Variants in DENND1A observed in about 807,000 individuals in gnomAD.
DENND1A encodes the protein DENN domain-containing protein 1A.
DENND1A carries 51 observed loss-of-function variants against 113.7 expected under a neutral mutation model. The ratio of observed to expected loss-of-function variants is 0.45; its 90% CI spans 0.36 to 0.57. The LOEUF (loss-of-function observed/expected upper bound fraction) is 0.57, where lower values mean the gene tolerates loss of function less well. DENND1A is among the 20% of genes least tolerant of loss of function. DENND1A has a pLI of 0.00. For missense variants in DENND1A, 1,258 were observed against 1,395.9 expected, an observed-to-expected ratio of 0.90 and a Z score of 1.57; for synonymous variants, 565 against 570.8, an observed-to-expected ratio of 0.99 and a Z score of 0.14.
intron 1 of DENND1A, among the ~76,000 whole-genome samples, chr9:123,915,040 G>A (rs1448841870): frequency 6.6e-6 from 1 of 152,120 alleles, no homozygotes; most frequent in East Asian, 1.9e-4. Context: ...CACAAAGGCT[G>A]CAAAGTAGAG....
chr9:123,548,175 G>GTCC (rs1434305118), intron 13 of DENND1A, among the ~76,000 whole-genome samples: 4 of 152,166 alleles, frequency 2.6e-5, no homozygotes, highest in African/African-American at 7.2e-5. Context: ...GGTCCCTGAA[G>GTCC]TCCTGGGGCA....
rs191962594 is a variant in DENND1A, at chr9:123,911,993, C to T, written c.17+17896G>A. Among the ~76,000 whole-genome samples, 6 of 152,088 alleles carry T rather than the reference C, an allele frequency of 3.9e-5. No individual in the cohort carries two copies. In the East Asian group the frequency reaches 9.6e-4, roughly 24 times the overall value. On this transcript the variant is annotated intron_variant, in intron 1 of 23. Coordinates refer to ENST00000394215, the MANE Select transcript of DENND1A (RefSeq NM_001352964.2). ...ACAGGCTTGAGCCACCGTGCCCTGC[C>T]GTGATTATTTTTAAATAGGTATTGA...
intron 2 of DENND1A, among the ~76,000 whole-genome samples, chr9:123,808,879 T>G (rs974821328): frequency 2.6e-5 from 4 of 152,148 alleles, no homozygotes; most frequent in African/African-American, 9.7e-5. Flanking sequence ...CCGTCCTATG[T>G]GTTAACCCTA....
intron 12 of DENND1A, among the ~76,000 whole-genome samples, chr9:123,564,429 G>C (rs778216523): frequency 3.9e-5 from 6 of 152,332 alleles, no homozygotes; most frequent in Admixed American, 3.3e-4. Context: ...GGAAGGCCCC[G>C]TTTGATTTGG....
intron 10 of DENND1A, among the ~76,000 whole-genome samples, chr9:123,621,010 A>G (rs2060933150): frequency 6.6e-6 from 1 of 152,140 alleles, no homozygotes; most frequent in African/African-American, 2.4e-5. Flanking sequence ...CAAAATGGCA[A>G]TGACATACAA....
At chr9:123,668,201 G>T (rs1424995128) in intron 7 of DENND1A, among the ~76,000 whole-genome samples, 1 of 152,120 alleles carries the variant, frequency 6.6e-6, no homozygotes, top group Admixed American at 6.5e-5. Context: ...CGTAGCCATG[G>T]CCTAAGTTCA....
At chr9:123,750,580 C>T (rs551599665) in intron 5 of DENND1A, among the ~76,000 whole-genome samples, 2 of 152,312 alleles carry the variant, frequency 1.3e-5, no homozygotes, top group South Asian at 4.1e-4. Flanking sequence ...AGCAGTGGGG[C>T]CTTCTGCCAA....
chr9:123,485,656 G>GCACACACACACACACACACA (rs77062893), intron 13 of DENND1A: 2 of 141,156 alleles, frequency 1.4e-5, no homozygotes, highest in African/African-American at 5.8e-5. Flanking sequence ...GCGCGCGCGC[G>GCACACACACACACACACACA]CACACACACA....
chr9:123,560,773 C>A (rs190028020), intron 12 of DENND1A, among the ~76,000 whole-genome samples: 1 of 151,978 alleles, frequency 6.6e-6, no homozygotes, highest in East Asian at 1.9e-4. Flanking sequence ...CAAGAGGGGA[C>A]CATGGAAAAC....
At chr9:123,602,514 C>A (rs2059980037) in intron 11 of DENND1A, among the ~76,000 whole-genome samples, 1 of 152,194 alleles carries the variant, frequency 6.6e-6, no homozygotes, top group Non-Finnish European at 1.5e-5. Context: ...CAGAGAGTGT[C>A]TGAGGAACGC....
chr9:123,718,889 C>G (rs1406729517), intron 5 of DENND1A, among the ~76,000 whole-genome samples: 1 of 152,192 alleles, frequency 6.6e-6, no homozygotes, highest in Non-Finnish European at 1.5e-5. Flanking sequence ...TGAAATGTAG[C>G]TCCCATAATT....
At chr9:123,636,982 G>T (rs570620662) in intron 9 of DENND1A, among the ~76,000 whole-genome samples, 2 of 152,156 alleles carry the variant, frequency 1.3e-5, no homozygotes, top group African/African-American at 4.8e-5. Flanking sequence ...GAGCCACCGC[G>T]CCCGGCCCCA....
intron 5 of DENND1A, among the ~76,000 whole-genome samples, chr9:123,742,687 A>G (rs1033290160): frequency 6.6e-6 from 1 of 152,322 alleles, no homozygotes; most frequent in Non-Finnish European, 1.5e-5. Flanking sequence ...GTGAAAGCAT[A>G]AAACAGGTTA....
chr9:123,694,678 T>C (rs1192002156), intron 5 of DENND1A, among the ~76,000 whole-genome samples: 1 of 151,902 alleles, frequency 6.6e-6, no homozygotes, highest in African/African-American at 2.4e-5. Context: ...TCCTAAAACA[T>C]CAAAATCTCA....
chr9:123,448,819 G>T (rs2047494773), intron 18 of DENND1A, among the ~76,000 whole-genome samples: 1 of 152,172 alleles, frequency 6.6e-6, no homozygotes, highest in Admixed American at 6.5e-5. Flanking sequence ...CCAATTAAAA[G>T]AAAGGAATCA....
At chr9:123,560,612 C>T (rs1479469903) in intron 12 of DENND1A, among the ~76,000 whole-genome samples, 2 of 151,606 alleles carry the variant, frequency 1.3e-5, no homozygotes, top group African/African-American at 2.4e-5. Context: ...ACTGCTTGAG[C>T]CCAGGAGTTT....
chr9:123,549,744 C>A (rs1437511121), intron 13 of DENND1A, among the ~76,000 whole-genome samples: 7 of 152,078 alleles, frequency 4.6e-5, no homozygotes, highest in Non-Finnish European at 8.8e-5. Context: ...CATATGAAAT[C>A]TTGTTAAATG....
chr9:123,496,572 T>C (rs1427380213), intron 13 of DENND1A, among the ~76,000 whole-genome samples: 1 of 152,192 alleles, frequency 6.6e-6, no homozygotes, highest in Non-Finnish European at 1.5e-5. Context: ...CTTTGTTAAT[T>C]ACCAAAGCTG....
chr9:123,382,281 G>C lies in DENND1A; in HGVS notation c.2364C>G (p.Ala788=). The C allele has an allele frequency of 6.2e-7, 1 of 1,610,884 alleles. No homozygotes were observed. The highest frequency in any genetic ancestry group is 8.5e-7 in the Non-Finnish European group (1 of 1,179,606). Residue 788 remains alanine, a synonymous_variant, in exon 24 of 24, where the codon GCC becomes GCG. Coordinates refer to ENST00000394215, the MANE Select transcript of DENND1A (RefSeq NM_001352964.2). The stretch of plus-strand genomic sequence containing the variant: ...CTGAGACGTCACCAAGTGCGGCGCC[G>C]GCAGCCTGGAGCTTGGCCGGGCGGG... ...PIPRPAKLQA[A]GAALGDVSER...
Sources: allele counts gnomAD v4.1 joint callset (sites outside exome capture counted in the v4.1 genomes callset), GRCh38; gene constraint gnomAD v4.1.1; transcripts MANE v1.5; gene names NCBI Gene and HGNC (gene_info 2026-07-23, HGNC 2026-07-21).